NRXN3: variants seen among roughly 807,000 people sequenced by gnomAD.
The protein encoded by NRXN3 is neurexin III.
A neutral mutation model predicts 137.6 loss-of-function variants in NRXN3; 32 were observed. That is an observed-to-expected ratio of 0.23 (90% CI 0.18 to 0.31). The LOEUF (loss-of-function observed/expected upper bound fraction) is 0.31. Among genes scored for constraint, NRXN3 ranks in the 10% least tolerant of loss-of-function variants. NRXN3 has a pLI of 1.00. For synonymous variants in NRXN3, 798 were observed against 784.5 expected, an observed-to-expected ratio of 1.02 and a Z score of -0.29; for missense variants, 1,574 against 2,062.5, an observed-to-expected ratio of 0.76 and a Z score of 4.59.
intron 15 of NRXN3, among the ~76,000 whole-genome samples, chr14:79,264,523 TGTGTG>T (rs529746877): frequency 0.045 from 67 of 1,474 alleles, 1 homozygote; most frequent in East Asian, 0.38. Context: ...GTTTACATGA[TGTGTG>T]TGTGTGTGTG....
intron 8 of NRXN3, among the ~76,000 whole-genome samples, chr14:78,753,518 G>C (rs2152956868): frequency 6.6e-6 from 1 of 152,292 alleles, no homozygotes; most frequent in East Asian, 1.9e-4. Flanking sequence ...CTGTGGATTA[G>C]AGGAAAACTT....
At chr14:78,556,611 A>C (rs1046898240) in intron 4 of NRXN3, among the ~76,000 whole-genome samples, 2 of 152,162 alleles carry the variant, frequency 1.3e-5, no homozygotes, top group African/African-American at 4.8e-5. Context: ...AAATAACATC[A>C]TTTCCATGCA....
chr14:78,998,745 C>T (rs2099535396), intron 15 of NRXN3, among the ~76,000 whole-genome samples: 1 of 150,998 alleles, frequency 6.6e-6, no homozygotes, highest in South Asian at 2.1e-4. Flanking sequence ...ATTACAGGCA[C>T]CAGCCACCAT....
chr14:79,198,669 A>G (rs1221585255), intron 15 of NRXN3, among the ~76,000 whole-genome samples: 1 of 152,226 alleles, frequency 6.6e-6, no homozygotes, highest in Non-Finnish European at 1.5e-5. Context: ...CAGTAATTCC[A>G]TTCAACTAGG....
chr14:79,857,252 C>T (rs1004904750), intron 20 of NRXN3, among the ~76,000 whole-genome samples: 6 of 152,136 alleles, frequency 3.9e-5, no homozygotes, highest in South Asian at 2.1e-4. Flanking sequence ...GACAGAGTCT[C>T]GCTCTGTCGC....
intron 4 of NRXN3, among the ~76,000 whole-genome samples, chr14:78,456,962 CCTTCCTT>C (rs2094753193): frequency 6.7e-6 from 1 of 148,578 alleles, no homozygotes. Flanking sequence ...TTCCTTGCTT[CCTTCCTT>C]CTTCCTTCTC....
chr14:78,268,514 C>A (rs2072188519), intron 2 of NRXN3, among the ~76,000 whole-genome samples: 8 of 152,170 alleles, frequency 5.3e-5, no homozygotes, highest in Admixed American at 5.2e-4. Flanking sequence ...TCAGCGAGCA[C>A]ACACTGATTT....
intron 2 of NRXN3, among the ~76,000 whole-genome samples, chr14:78,251,974 T>G (rs75116341): frequency 6.6e-6 from 1 of 152,000 alleles, no homozygotes; most frequent in South Asian, 2.1e-4. Context: ...CCTGGTCTAT[T>G]TGGGAACTGA....
chr14:78,215,797 A>C, intron 1 of NRXN3, among the ~76,000 whole-genome samples: 1 of 149,510 alleles, frequency 6.7e-6, no homozygotes, highest in African/African-American at 2.5e-5. Flanking sequence ...TAGTTTGTGC[A>C]CCTAGGTGGC....
At chr14:79,038,550 T>G (rs2099619998) in intron 15 of NRXN3, among the ~76,000 whole-genome samples, 1 of 152,150 alleles carries the variant, frequency 6.6e-6, no homozygotes. Context: ...CACTTAAAAT[T>G]GCTTCCAAAT....
At chr14:79,460,516 A>G (rs900017538) in intron 15 of NRXN3, among the ~76,000 whole-genome samples, 5 of 152,292 alleles carry the variant, frequency 3.3e-5, no homozygotes, top group Admixed American at 6.5e-5. Flanking sequence ...CACCAATTTG[A>G]GTTCCCATGT....
At chr14:78,736,559 G>A (rs1369777253) in intron 8 of NRXN3, among the ~76,000 whole-genome samples, 1 of 152,110 alleles carries the variant, frequency 6.6e-6, no homozygotes, top group Non-Finnish European at 1.5e-5. Flanking sequence ...ATAACCTGAT[G>A]AGGTGGGTAA....
At chr14:79,691,516 G>A (rs531595873) in intron 17 of NRXN3, among the ~76,000 whole-genome samples, 1 of 152,082 alleles carries the variant, frequency 6.6e-6, no homozygotes, top group Non-Finnish European at 1.5e-5. Flanking sequence ...TTTTAAAAAT[G>A]TGGAACAAAT....
At chr14:78,836,929 A>G (rs575878607) in intron 10 of NRXN3, among the ~76,000 whole-genome samples, 2 of 152,206 alleles carry the variant, frequency 1.3e-5, no homozygotes, top group South Asian at 2.1e-4. Flanking sequence ...CTTCTATTCT[A>G]TTGAGCCTTA....
chr14:79,441,702 G>A (rs1248637237), intron 15 of NRXN3, among the ~76,000 whole-genome samples: 2 of 151,562 alleles, frequency 1.3e-5, no homozygotes, highest in Non-Finnish European at 2.9e-5. Context: ...ATCTTAGAGG[G>A]GCATCAAAGC....
chr14:78,830,086 T>A (rs1434214955), intron 10 of NRXN3, among the ~76,000 whole-genome samples: 5 of 152,130 alleles, frequency 3.3e-5, no homozygotes, highest in East Asian at 1.9e-4. Context: ...ATGGATTTTT[T>A]AAAAAATAAA....
At chr14:78,459,867 C>T (rs1430256158) in intron 4 of NRXN3, among the ~76,000 whole-genome samples, 1 of 152,148 alleles carries the variant, frequency 6.6e-6, no homozygotes, top group African/African-American at 2.4e-5. Flanking sequence ...CAGATTCTGA[C>T]ACTGTCTACC....
chr14:78,328,896 A>G (rs2080439571), intron 4 of NRXN3, among the ~76,000 whole-genome samples: 1 of 152,152 alleles, frequency 6.6e-6, no homozygotes, highest in Non-Finnish European at 1.5e-5. Context: ...CTGCAAACCT[A>G]GGCTGCTGAG....
At position 78,461,135 on chromosome 14, in the gene NRXN3, G is replaced by A. The variant is rs184418841; in HGVS notation, c.757+163275G>A. ...AATGTTTTCAAATGTTCTAATACAG[G>A]TCACCGTTTTTCCTGGTACAACTCT... On this transcript the variant is annotated intron_variant, in intron 4 of 20. Coordinates refer to ENST00000335750, the MANE Select transcript of NRXN3 (RefSeq NM_001330195.2). 3.5e-4 allele frequency among the ~76,000 whole-genome samples: 53 copies of A among 152,234 alleles called. 1 individual carries two copies. The East Asian group carries it at 6.6e-3, about 19-fold the overall frequency.
Sources: gnomAD v4.1 joint callset for allele counts (sites outside exome capture counted in the v4.1 genomes callset) on GRCh38, gnomAD v4.1.1 for gene constraint, MANE v1.5 for transcripts, NCBI Gene and HGNC (gene_info 2026-07-23, HGNC 2026-07-21) for gene names.